The following MACO1 variants were observed in gnomAD, a reference collection of about 807,000 sequenced individuals.
MACO1 encodes the protein macoilin 1.
Under a neutral mutation model 78.7 loss-of-function variants are expected in MACO1, and 14 were observed. That is an observed-to-expected ratio of 0.18 (90% CI 0.12 to 0.28). The LOEUF is 0.28. Among genes scored for constraint, MACO1 ranks in the 10% least tolerant of loss-of-function variants. The pLI is 1.00. For missense variants in MACO1, 501 were observed against 799.0 expected (o/e 0.63, Z 4.50); for synonymous variants, 288 against 291.6 (o/e 0.99, Z 0.12).
chr1:25,436,623 T>C (rs2042921395), intron 1 of MACO1, among the ~76,000 whole-genome samples: 1 of 152,226 alleles, frequency 6.6e-6, no homozygotes, highest in South Asian at 2.1e-4. Context: ...TTTTCCACTG[T>C]GGATTTCTTC....
chr1:25,455,672 A>G (rs1347155420), intron 4 of MACO1, among the ~76,000 whole-genome samples: 1 of 152,190 alleles, frequency 6.6e-6, no homozygotes, highest in Admixed American at 6.5e-5. Context: ...TTCTAAGTAC[A>G]GCTGGTTTAA....
chr1:25,434,973 C>T (rs2042907178), intron 1 of MACO1, among the ~76,000 whole-genome samples: 2 of 152,090 alleles, frequency 1.3e-5, no homozygotes, highest in Non-Finnish European at 1.5e-5. Context: ...CACTCCCTTC[C>T]CTCAGAGAAT....
intron 1 of MACO1, among the ~76,000 whole-genome samples, chr1:25,433,040 C>T (rs1043463686): frequency 2.6e-5 from 4 of 152,168 alleles, no homozygotes; most frequent in Non-Finnish European, 5.9e-5. Flanking sequence ...ATACTCTTTG[C>T]AAGTTATTCA....
intron 8 of MACO1, among the ~76,000 whole-genome samples, chr1:25,486,457 T>C (rs557608776): frequency 2.6e-5 from 4 of 152,306 alleles, no homozygotes; most frequent in South Asian, 2.1e-4. Flanking sequence ...ACTTCACTTA[T>C]CACTTTTTCC....
At chr1:25,475,600 T>C (rs547214604) in intron 6 of MACO1, among the ~76,000 whole-genome samples, 1 of 151,064 alleles carries the variant, frequency 6.6e-6, no homozygotes, top group African/African-American at 2.4e-5. Context: ...GGATTTTCCC[T>C]AAGGTTTTGG....
intron 1 of MACO1, among the ~76,000 whole-genome samples, chr1:25,437,648 C>T (rs556221931): frequency 2.2e-4 from 34 of 152,078 alleles, no homozygotes; most frequent in African/African-American, 6.7e-4. Flanking sequence ...AATTTTTGGC[C>T]GGGTGTGATG....
intron 1 of MACO1, among the ~76,000 whole-genome samples, chr1:25,431,776 A>G (rs1479413881): frequency 6.6e-6 from 1 of 152,194 alleles, no homozygotes; most frequent in Non-Finnish European, 1.5e-5. Flanking sequence ...GCTGAAGCTG[A>G]TACCCCCAAA....
chr1:25,489,919 C>T (rs1292629522), intron 9 of MACO1, among the ~76,000 whole-genome samples: 3 of 151,930 alleles, frequency 2.0e-5, no homozygotes, highest in African/African-American at 7.3e-5. Flanking sequence ...GTAAAGGTGG[C>T]ATCAGAGATA....
chr1:25,479,954 CA>C (rs1214229880), intron 6 of MACO1, among the ~76,000 whole-genome samples: 1 of 152,060 alleles, frequency 6.6e-6, no homozygotes, highest in Admixed American at 6.5e-5. Flanking sequence ...AAAAAACATA[CA>C]GAAAAGAGGT....
At chr1:25,459,809 T>C (rs2043155582) in intron 6 of MACO1, among the ~76,000 whole-genome samples, 1 of 152,140 alleles carries the variant, frequency 6.6e-6, no homozygotes, top group Non-Finnish European at 1.5e-5. Flanking sequence ...TTACATTGAC[T>C]GGCTCAGACT....
chr1:25,479,748 A>G (rs2043354617), intron 6 of MACO1, among the ~76,000 whole-genome samples: 1 of 152,152 alleles, frequency 6.6e-6, no homozygotes. Flanking sequence ...ACATTTTTCT[A>G]TTGGGCAAAT....
At chr1:25,490,903 A>G (rs532461032) in intron 9 of MACO1, among the ~76,000 whole-genome samples, 63 of 152,286 alleles carry the variant, frequency 4.1e-4, no homozygotes, top group Non-Finnish European at 7.2e-4. Flanking sequence ...GAATTTTTCT[A>G]TATTCCTAAA....
intron 1 of MACO1, among the ~76,000 whole-genome samples, chr1:25,437,035 G>A (rs2042924729): frequency 6.6e-6 from 1 of 152,078 alleles, no homozygotes; most frequent in Non-Finnish European, 1.5e-5. Context: ...TGATGAGTTT[G>A]AGCTGTTTAG....
At chr1:25,463,235 G>C (rs1267721911) in intron 6 of MACO1, among the ~76,000 whole-genome samples, 1 of 152,200 alleles carries the variant, frequency 6.6e-6, no homozygotes, top group African/African-American at 2.4e-5. Context: ...TGGTGACAAG[G>C]AACTGGGTGA....
intron 5 of MACO1, among the ~76,000 whole-genome samples, chr1:25,457,600 A>G (rs1285430030): frequency 2.6e-5 from 4 of 152,210 alleles, no homozygotes; most frequent in Non-Finnish European, 5.9e-5. Flanking sequence ...TAAATGCTTC[A>G]TATAATGTAA....
At chr1:25,464,769 G>C (rs1256774480) in intron 6 of MACO1, among the ~76,000 whole-genome samples, 1 of 148,962 alleles carries the variant, frequency 6.7e-6, no homozygotes, top group Non-Finnish European at 1.5e-5. Context: ...TGATTCTCCT[G>C]TCTTAGCCTC....
rs2043565114 is a variant in MACO1, at chr1:25,499,234, C to CTGT, written c.*769_*771dup. 6.6e-6 allele frequency: 1 copy of CTGT among 152,222 alleles called. No individual in the cohort carries two copies. The highest frequency in any genetic ancestry group is 1.5e-5 in the Non-Finnish European group (1 of 68,034). The allele number at this position is 152,222 out of a possible 1,614,324, so 9.4% of individuals were successfully genotyped here. A position where few individuals can be genotyped will look rare whatever the true frequency, so the allele number is the denominator to read the frequency against. On this transcript the variant is annotated 3_prime_UTR_variant, in exon 11 of 11. Coordinates refer to ENST00000374343, the MANE Select transcript of MACO1 (RefSeq NM_018202.6). Reference sequence around the variant, plus strand: ...CCCTTTACCGTCATCTATCCTCTATCTGTATCAAGCTCACTGCGGATCCTG... The same window carrying CTGT: ...CCCTTTACCGTCATCTATCCTCTATCTGTTGTATCAAGCTCACTGCGGATCCTG...
chr1:25,475,365 C>T (rs1429569384), intron 6 of MACO1, among the ~76,000 whole-genome samples: 1 of 151,838 alleles, frequency 6.6e-6, no homozygotes, highest in African/African-American at 2.4e-5. Context: ...AAACAAAAAA[C>T]AGGCATTCTC....
intron 6 of MACO1, among the ~76,000 whole-genome samples, chr1:25,468,458 G>A (rs966300856): frequency 6.6e-6 from 1 of 152,156 alleles, no homozygotes; most frequent in African/African-American, 2.4e-5. Context: ...TTGCTTCGAA[G>A]GCCTAGAGTC....
Sources: allele counts gnomAD v4.1 joint callset (sites outside exome capture counted in the v4.1 genomes callset), GRCh38; gene constraint gnomAD v4.1.1; transcripts MANE v1.5; gene names NCBI Gene and HGNC (gene_info 2026-07-23, HGNC 2026-07-21).